Variants in CLVS1 observed in about 807,000 individuals in gnomAD.
CLVS1 encodes the protein clavesin-1.
Under a neutral mutation model 33.1 loss-of-function variants are expected in CLVS1, and 10 were observed. The ratio of observed to expected loss-of-function variants is 0.30; its 90% CI spans 0.19 to 0.51. CLVS1 has a LOEUF of 0.51. Among genes scored for constraint, CLVS1 ranks in the 20% least tolerant of loss-of-function variants. CLVS1 has a pLI of 0.97. For missense variants in CLVS1, 343 were observed against 433.4 expected (o/e 0.79, Z 1.85); for synonymous variants, 163 against 166.1 (o/e 0.98, Z 0.14).
intron 2 of CLVS1, among the ~76,000 whole-genome samples, chr8:61,233,887 G>A (rs1334953032): frequency 6.6e-6 from 1 of 152,264 alleles, no homozygotes; most frequent in East Asian, 1.9e-4. Flanking sequence ...CGGGGAATGG[G>A]AACCCAGCCT....
chr8:61,154,496 T>C lies in CLVS1; in HGVS notation c.-152+22636T>C, dbSNP rs188345911. 1.3e-3 allele frequency among the ~76,000 whole-genome samples: 195 copies of C among 152,300 alleles called. 2 individuals carry two copies. The highest frequency in any genetic ancestry group is 1.9e-4 in the Non-Finnish European group (13 of 68,016). The stretch of plus-strand genomic sequence containing the variant: ...GAAAAAAATGTTCTGTTTTAATGGA[T>C]GGTTCGATATAACAAAAAAGAAAAC... On this transcript the variant is annotated intron_variant, in intron 2 of 2. Transcript: ENST00000522621.
At chr8:61,056,116 A>G (rs2129276888), upstream of CLVS1, among the ~76,000 whole-genome samples, 1 of 152,298 alleles carries the variant, frequency 6.6e-6, no homozygotes, top group African/African-American at 2.4e-5. Context: ...ACCTCCCTGT[A>G]AGGGAGGTTG....
At chr8:60,985,538 A>G in the CLVS1 span, among the ~76,000 whole-genome samples, 32 of 152,118 alleles carry the variant, frequency 2.1e-4, no homozygotes, top group Admixed American at 1.8e-3. Context: ...TTGGCTCCAC[A>G]CTACGCTCGT....
intron 5 of CLVS1, among the ~76,000 whole-genome samples, chr8:61,498,917 A>G (rs893483852): frequency 6.6e-6 from 1 of 152,220 alleles, no homozygotes; most frequent in African/African-American, 2.4e-5. Context: ...CTGAGAGACA[A>G]AAGGTTTAAA....
intron 2 of CLVS1, among the ~76,000 whole-genome samples, chr8:61,197,001 A>G (rs1585680930): frequency 6.6e-6 from 1 of 152,178 alleles, no homozygotes; most frequent in Non-Finnish European, 1.5e-5. Flanking sequence ...CACCTGCTTC[A>G]TCCATGTAGA....
rs991774890 is a variant in CLVS1, at chr8:61,253,515, T to C, written c.-151-46162T>C. 2.3e-4 allele frequency among the ~76,000 whole-genome samples: 35 copies of C among 152,294 alleles called. 1 individual carries two copies. Among genetic ancestry groups the C allele is most frequent in the African/African-American group, 8.4e-4 (35 of 41,554 alleles). The stretch of plus-strand genomic sequence containing the variant: ...CTCCTGGATAATATCCTGCAGAGTG[T>C]TTTCCAACTTGGTTCCATTCTCCCT... On this transcript the variant is annotated intron_variant, in intron 2 of 2. Coordinates refer to the CLVS1 transcript ENST00000522621.
intron 5 of CLVS1, among the ~76,000 whole-genome samples, chr8:61,467,904 A>T (rs1016889153): frequency 1.3e-5 from 2 of 152,212 alleles, no homozygotes; most frequent in Non-Finnish European, 2.9e-5. Context: ...ACTTTCCACC[A>T]CTAAGGACCT....
intron 1 of CLVS1, among the ~76,000 whole-genome samples, chr8:61,097,016 G>A (rs1393710862): frequency 6.6e-6 from 1 of 152,084 alleles, no homozygotes; most frequent in African/African-American, 2.4e-5. Flanking sequence ...ATCAACTTGA[G>A]TAGCAAAAAG....
intron 2 of CLVS1, among the ~76,000 whole-genome samples, chr8:61,275,136 C>T (rs1809536699): frequency 6.6e-6 from 1 of 152,104 alleles, no homozygotes; most frequent in South Asian, 2.1e-4. Flanking sequence ...AGATTGCAAA[C>T]AGGAGACCTC....
At chr8:61,221,142 G>A (rs879226869) in intron 2 of CLVS1, among the ~76,000 whole-genome samples, 1 of 152,160 alleles carries the variant, frequency 6.6e-6, no homozygotes, top group Non-Finnish European at 1.5e-5. Context: ...GAGACAACTT[G>A]ACTTCCTCTC....
rs4033854 is a variant in CLVS1, at chr8:61,086,035, C to CAAAAA, written c.-243+28843_-243+28847dup. Among the ~76,000 whole-genome samples the CAAAAA allele has an allele frequency of 2.9e-4, 9 of 31,244 alleles. 2 individuals carry two copies. Among genetic ancestry groups the CAAAAA allele is most frequent in the African/African-American group, 5.8e-4 (4 of 6,916 alleles). 20.5% of individuals were successfully genotyped at this position (31,244 alleles called of 152,430 possible). Reference sequence around the variant, plus strand: ...TGGGCGACAGAGCGAGACTCCCTCTCAAAAAAAAAAAAAAAAAAAAAAAAA... The same window carrying CAAAAA: ...TGGGCGACAGAGCGAGACTCCCTCTCAAAAAAAAAAAAAAAAAAAAAAAAAAAAAA... On this transcript the variant is annotated intron_variant, in intron 1 of 2. Coordinates refer to the CLVS1 transcript ENST00000522621.
intron 1 of CLVS1, among the ~76,000 whole-genome samples, chr8:61,087,901 C>T (rs935296385): frequency 2.0e-5 from 3 of 152,084 alleles, no homozygotes; most frequent in Non-Finnish European, 4.4e-5. Flanking sequence ...TGCCTAAAAC[C>T]CTTAAAGTTC....
At chr8:61,380,081 C>A (rs1240219842) in intron 3 of CLVS1, among the ~76,000 whole-genome samples, 1 of 152,068 alleles carries the variant, frequency 6.6e-6, no homozygotes, top group Non-Finnish European at 1.5e-5. Flanking sequence ...CATCAAGGAG[C>A]TTCTATTATT....
At chr8:61,017,319 C>T in the CLVS1 span, among the ~76,000 whole-genome samples, 2 of 152,166 alleles carry the variant, frequency 1.3e-5, no homozygotes, top group African/African-American at 4.8e-5. Context: ...CACATGAAAA[C>T]GCTGTTTTGT....
At chr8:61,326,816 T>C (rs1377394795) in intron 2 of CLVS1, among the ~76,000 whole-genome samples, 1 of 152,186 alleles carries the variant, frequency 6.6e-6, no homozygotes, top group Non-Finnish European at 1.5e-5. Context: ...CCAAATCTGA[T>C]GTTCTATATG....
chr8:61,083,166 A>G (rs908419973), intron 1 of CLVS1, among the ~76,000 whole-genome samples: 8 of 152,180 alleles, frequency 5.3e-5, no homozygotes, highest in Non-Finnish European at 1.0e-4. Flanking sequence ...GAGAAGGAAA[A>G]AATGAAGGGA....
chr8:61,010,981 C>T, the CLVS1 span, among the ~76,000 whole-genome samples: 2 of 152,248 alleles, frequency 1.3e-5, no homozygotes, highest in African/African-American at 4.8e-5. Context: ...TTGGTTCGCA[C>T]CAATTCAGCT....
At chr8:61,363,359 C>A (rs1004637533) in intron 2 of CLVS1, among the ~76,000 whole-genome samples, 10 of 152,140 alleles carry the variant, frequency 6.6e-5, no homozygotes, top group East Asian at 1.9e-4. Context: ...ATATTTTGGA[C>A]CCACTTTGAA....
chr8:61,147,429 A>G (rs1222371219), intron 2 of CLVS1, among the ~76,000 whole-genome samples: 2 of 152,214 alleles, frequency 1.3e-5, no homozygotes, highest in South Asian at 2.1e-4. Flanking sequence ...ACCCGGGTGT[A>G]AAAGAGAATG....
Sources: allele counts gnomAD v4.1 joint callset (sites outside exome capture counted in the v4.1 genomes callset), GRCh38; gene constraint gnomAD v4.1.1; transcripts MANE v1.5; gene names NCBI Gene and HGNC (gene_info 2026-07-23, HGNC 2026-07-21).